The following EGFR variants were observed in gnomAD, a reference collection of about 807,000 sequenced individuals.
EGFR encodes avian erythroblastic leukemia viral (v-erb-b) oncogene homolog.
Under a neutral mutation model 143.0 loss-of-function variants are expected in EGFR, and 58 were observed. The observed-to-expected ratio is 0.41, with a 90% confidence interval of 0.33 to 0.50. EGFR has a LOEUF of 0.50. EGFR is among the 20% of genes least tolerant of loss of function. EGFR has a pLI of 0.39. For missense variants in EGFR, 1,307 were observed against 1,579.0 expected (o/e 0.83, Z 2.92); for synonymous variants, 613 against 594.4 (o/e 1.03, Z -0.45).
chr7:55,080,121 A>G (rs1403524508), intron 1 of EGFR, among the ~76,000 whole-genome samples: 3 of 152,134 alleles, frequency 2.0e-5, no homozygotes, highest in Non-Finnish European at 4.4e-5. Flanking sequence ...AACAAGTTTC[A>G]TAGTATTTTG....
At chr7:55,192,986 A>C (rs999992025) in intron 22 of EGFR, 145 bp downstream of exon 22, 1 of 723,010 alleles carries the variant, frequency 1.4e-6, no homozygotes. Context: ...CTGTCTATCT[A>C]TTGTACTGAG....
chr7:55,170,484 C>T (rs2128950774), intron 15 of EGFR: 1 of 1,614,036 alleles, frequency 6.2e-7, no homozygotes, highest in East Asian at 2.2e-5. Flanking sequence ...GGGGTGGATG[C>T]AGCCACCTCC....
chr7:55,187,646 A>G (rs1006584332), intron 20 of EGFR, among the ~76,000 whole-genome samples: 1 of 152,178 alleles, frequency 6.6e-6, no homozygotes, highest in Non-Finnish European at 1.5e-5. Context: ...AGACTCTTCC[A>G]TTTTTTAGGG....
At chr7:55,045,341 A>C (rs926355037) in intron 1 of EGFR, among the ~76,000 whole-genome samples, 9 of 152,250 alleles carry the variant, frequency 5.9e-5, no homozygotes, top group African/African-American at 2.2e-4. Flanking sequence ...ATTTTAAAAT[A>C]AATTACGTAT....
intron 5 of EGFR, 128 bp downstream of exon 5, chr7:55,151,490 C>G: frequency 1.0e-6 from 1 of 974,338 alleles, no homozygotes; most frequent in African/African-American, 1.6e-5. Context: ...CAGATGTGAA[C>G]CAGTAGGTGA....
At chr7:55,183,681 C>T (rs960287063) in intron 20 of EGFR, among the ~76,000 whole-genome samples, 2 of 152,228 alleles carry the variant, frequency 1.3e-5, no homozygotes, top group African/African-American at 2.4e-5. Context: ...CCCTCCTTGC[C>T]CAGGCAGTCT....
intron 1 of EGFR, among the ~76,000 whole-genome samples, chr7:55,046,579 T>C (rs974812495): frequency 1.3e-4 from 18 of 134,130 alleles, no homozygotes; most frequent in Middle Eastern, 3.5e-3. Context: ...TGTTAATAGA[T>C]GTTCTTGGAA....
intron 1 of EGFR, among the ~76,000 whole-genome samples, chr7:55,070,981 C>A (rs894797724): frequency 2.6e-5 from 4 of 152,324 alleles, no homozygotes; most frequent in African/African-American, 9.6e-5. Flanking sequence ...CACATCCCAC[C>A]GGCTGTTTCA....
At chr7:55,127,873 G>T (rs1000208834) in intron 1 of EGFR, among the ~76,000 whole-genome samples, 1 of 152,124 alleles carries the variant, frequency 6.6e-6, no homozygotes, top group Non-Finnish European at 1.5e-5. Context: ...ATTTCACCAG[G>T]CCCCGCTCTC....
rs1231769201 is a variant in EGFR at position 55,173,068 on chromosome 7, C to T, written c.2005C>T (p.Arg669Ter). 1.9e-6 allele frequency: 3 copies of T among 1,613,386 alleles called. No homozygotes were observed. The highest frequency in any genetic ancestry group is 1.7e-6 in the Non-Finnish European group (2 of 1,180,048). ...GGCCCTGGGGATCGGCCTCTTCATG[C>T]GAAGGCGCCACATCGTTCGGAAGCG... ...VVALGIGLFM[R>*]RRHIVRKRTL... The change falls in exon 17 of 28, where the codon CGA (arginine) becomes TGA (stop). Residue 669 changes from arginine (R) to a stop codon, truncating the protein, a stop_gained. Coordinates refer to ENST00000275493, the MANE Select transcript of EGFR (RefSeq NM_005228.5). LOFTEE classifies it high-confidence loss of function.
rs556699945 is a variant in EGFR, at chr7:55,110,774, C to T, written c.89-31512C>T. Among the ~76,000 whole-genome samples the T allele has an allele frequency of 3.9e-4, 60 of 152,312 alleles. No individual in the cohort carries two copies. In the South Asian group the frequency reaches 8.5e-3, roughly 22 times the overall value. On this transcript the variant is annotated intron_variant, in intron 1 of 27. Coordinates refer to ENST00000275493, the MANE Select transcript of EGFR (RefSeq NM_005228.5). ...CCCCGCTCTCCTTTCTCTTGCCATT[C>T]GCTGGCCATTAGCCACCAGCCTCTG...
intron 1 of EGFR, among the ~76,000 whole-genome samples, chr7:55,040,541 T>C (rs1787842744): frequency 6.6e-6 from 1 of 152,228 alleles, no homozygotes; most frequent in African/African-American, 2.4e-5. Context: ...GTTGAAAATA[T>C]TACAAAGTAA....
intron 1 of EGFR, among the ~76,000 whole-genome samples, chr7:55,102,357 C>T (rs1562715644): frequency 1.3e-5 from 2 of 152,218 alleles, no homozygotes; most frequent in Non-Finnish European, 2.9e-5. Context: ...CACTCCACTC[C>T]ACATTCTCCT....
At chr7:55,196,912 T>G (rs957726839) in intron 22 of EGFR, among the ~76,000 whole-genome samples, 8 of 152,196 alleles carry the variant, frequency 5.3e-5, no homozygotes, top group African/African-American at 1.9e-4. Context: ...TTTTGGTTAC[T>G]GTATCCCTGT....
At position 55,032,548 on chromosome 7, in the gene EGFR, G is replaced by A. The variant is rs138914639; in HGVS notation, c.88+13183G>A. On this transcript the variant is annotated intron_variant, in intron 1 of 27. Coordinates refer to ENST00000275493, the MANE Select transcript of EGFR (RefSeq NM_005228.5). The stretch of plus-strand genomic sequence containing the variant: ...GAATGAGGACGCAGATGACCCGGAC[G>A]TGTTCACAGTTTGACACATCTGACT... Among the ~76,000 whole-genome samples, 25 of 152,310 alleles carry A rather than the reference G, an allele frequency of 1.6e-4. No homozygotes were observed. In the East Asian group the frequency reaches 4.1e-3, roughly 25 times the overall value.
At chr7:55,067,875 T>C (rs76539632) in intron 1 of EGFR, among the ~76,000 whole-genome samples, 3,284 of 151,290 alleles carry the variant, frequency 0.022, 182 homozygotes, top group South Asian at 0.12. Context: ...TGTGTCTCTG[T>C]GTATACGTGT....
At chr7:55,122,713 T>A (rs1413762717) in intron 1 of EGFR, among the ~76,000 whole-genome samples, 1 of 152,224 alleles carries the variant, frequency 6.6e-6, no homozygotes, top group Non-Finnish European at 1.5e-5. Flanking sequence ...AAGCATCAGA[T>A]CCTCTGGGAC....
rs138629243 is a variant in EGFR, at chr7:55,091,445, C to T, written c.89-50841C>T. ...TGAGAGGCGAAGCCATAGCTGGTGG[C>T]GGGGGCCACATCTGGGTGTGGGGAG... On this transcript the variant is annotated intron_variant, in intron 1 of 27. Transcript: ENST00000275493. 1.2e-4 allele frequency among the ~76,000 whole-genome samples: 19 copies of T among 152,166 alleles called. No homozygotes were observed. In the East Asian group the frequency reaches 3.5e-3, roughly 28 times the overall value.
intron 1 of EGFR, among the ~76,000 whole-genome samples, chr7:55,071,392 G>C (rs1174356460): frequency 6.6e-6 from 1 of 152,208 alleles, no homozygotes; most frequent in Non-Finnish European, 1.5e-5. Context: ...ATTGTATTTT[G>C]CCTATTCTTT....
Sources: allele counts gnomAD v4.1 joint callset (sites outside exome capture counted in the v4.1 genomes callset), GRCh38; gene constraint gnomAD v4.1.1; transcripts MANE v1.5; gene names NCBI Gene and HGNC (gene_info 2026-07-23, HGNC 2026-07-21).